P4HA1: variants seen among roughly 807,000 people sequenced by gnomAD.
P4HA1 encodes prolyl 4-hydroxylase subunit alpha 1, also known as prolyl 4-hydroxylase subunit alpha-1.
In P4HA1, 24 loss-of-function variants were observed where a neutral mutation model predicts 72.8. The observed-to-expected ratio is 0.33, with a 90% CI of 0.24 to 0.46. The LOEUF (loss-of-function observed/expected upper bound fraction) is 0.46, where lower values mean the gene tolerates loss of function less well. P4HA1 is among the 20% of genes least tolerant of loss of function. P4HA1 has a pLI of 1.00. For synonymous variants in P4HA1, 201 were observed against 218.8 expected (o/e 0.92, Z 0.72); for missense variants, 446 against 640.6 (o/e 0.70, Z 3.28).
At chr10:73,073,031 A>C (rs1181447951) in intron 3 of P4HA1, among the ~76,000 whole-genome samples, 1 of 151,262 alleles carries the variant, frequency 6.6e-6, no homozygotes, top group Non-Finnish European at 1.5e-5. Context: ...TTACCCGGGC[A>C]TGGTGGCGCA....
chr10:73,062,575 T>C (rs1022513804), intron 5 of P4HA1, among the ~76,000 whole-genome samples: 4 of 152,206 alleles, frequency 2.6e-5, no homozygotes. Flanking sequence ...AAACTGTATA[T>C]ATTTATTAAG....
At position 73,073,844 on chromosome 10, in the gene P4HA1, G is replaced by GTTATCAAATACTCATA. The variant is rs771697069; in HGVS notation, c.77-33_77-18dup. 2 of 1,174,754 alleles carry GTTATCAAATACTCATA rather than the reference G, an allele frequency of 1.7e-6. No homozygotes were observed. Among genetic ancestry groups the GTTATCAAATACTCATA allele is most frequent in the East Asian group, 4.7e-5 (2 of 42,800 alleles). The allele number at this position is 1,174,754 out of a possible 1,614,324, so 72.8% of individuals were successfully genotyped here. A position where few individuals can be genotyped will look rare whatever the true frequency, so the allele number is the denominator to read the frequency against. ...TCATCTGACCTAGAAGGGGAAGAAG[G>GTTATCAAATACTCATA]TTATCAAATACTCATATCCTTCAAC... is the stretch of plus-strand genomic sequence containing the variant. On this transcript the variant is annotated splice_polypyrimidine_tract_variant and intron_variant, in intron 2 of 14. Transcript: ENST00000394890.
intron 1 of P4HA1, among the ~76,000 whole-genome samples, chr10:73,087,779 A>G (rs928360720): frequency 1.2e-4 from 18 of 152,250 alleles, no homozygotes; most frequent in Admixed American, 5.9e-4. Flanking sequence ...GACGTGAGCC[A>G]CCATGCCCAG....
chr10:73,079,571 G>A (rs903304633), intron 1 of P4HA1, among the ~76,000 whole-genome samples: 12 of 152,146 alleles, frequency 7.9e-5, no homozygotes, highest in African/African-American at 2.2e-4. Flanking sequence ...GTGAAACCCC[G>A]TCTCTACCAA....
intron 4 of P4HA1, 65 bp from the exon 5 acceptor site, chr10:73,069,048 T>TAA: frequency 8.4e-7 from 1 of 1,191,272 alleles, no homozygotes; most frequent in Non-Finnish European, 1.2e-6. Flanking sequence ...TAAAGAGACT[T>TAA]AATAAGGATT....
intron 5 of P4HA1, among the ~76,000 whole-genome samples, chr10:73,056,374 G>A (rs1589607715): frequency 6.6e-6 from 1 of 152,152 alleles, no homozygotes; most frequent in Non-Finnish European, 1.5e-5. Flanking sequence ...GCTCACGCCT[G>A]CAATCCCAGC....
chr10:73,071,733 T>C (rs561565706), intron 4 of P4HA1, among the ~76,000 whole-genome samples: 1 of 152,224 alleles, frequency 6.6e-6, no homozygotes, highest in East Asian at 1.9e-4. Flanking sequence ...TTTTTAAAGT[T>C]TGAAGGTAAT....
chr10:73,084,201 A>G (rs1370557007), intron 1 of P4HA1, among the ~76,000 whole-genome samples: 1 of 152,252 alleles, frequency 6.6e-6, no homozygotes, highest in East Asian at 1.9e-4. Context: ...AGTTTTGTAC[A>G]ATATGCACTT....
At chr10:73,053,264 C>T in intron 6 of P4HA1, 87 bp downstream of exon 6, 1 of 1,270,082 alleles carries the variant, frequency 7.9e-7, no homozygotes, top group Non-Finnish European at 1.1e-6. Context: ...AAGAAAATAC[C>T]ATATATAAAT....
chr10:73,024,159 C>A (rs1372940350), intron 10 of P4HA1, among the ~76,000 whole-genome samples: 2 of 152,192 alleles, frequency 1.3e-5, no homozygotes, highest in Non-Finnish European at 2.9e-5. Context: ...ATCTACAGAA[C>A]TCTGTCCACC....
intron 5 of P4HA1, among the ~76,000 whole-genome samples, chr10:73,056,987 G>A (rs1043701553): frequency 1.3e-5 from 2 of 150,392 alleles, no homozygotes; most frequent in Non-Finnish European, 3.0e-5. Context: ...GTGAACCCAG[G>A]AGACAGAGCT....
chr10:73,087,842 T>C (rs1841954985), intron 1 of P4HA1, among the ~76,000 whole-genome samples: 1 of 152,108 alleles, frequency 6.6e-6, no homozygotes. Context: ...TGGGGAATAT[T>C]TTCTCCCAGT....
At chr10:73,010,374 G>GT (rs1234116351) in intron 13 of P4HA1, among the ~76,000 whole-genome samples, 2 of 152,032 alleles carry the variant, frequency 1.3e-5, no homozygotes, top group African/African-American at 4.8e-5. Context: ...TTTAAGAACC[G>GT]TTTTTGATCA....
intron 5 of P4HA1, among the ~76,000 whole-genome samples, chr10:73,056,353 C>G (rs969516314): frequency 7.2e-5 from 11 of 152,086 alleles, no homozygotes; most frequent in African/African-American, 2.2e-4. Flanking sequence ...TATCCTAGGC[C>G]AGGCGTGGTG....
At chr10:73,043,872 C>T in intron 9 of P4HA1, 2 of 1,577,782 alleles carry the variant, frequency 1.3e-6, no homozygotes, top group Non-Finnish European at 1.7e-6. Context: ...AAAGTTCTCT[C>T]CATTACTCCC....
At chr10:73,060,735 T>C (rs1841293623) in intron 5 of P4HA1, among the ~76,000 whole-genome samples, 1 of 152,132 alleles carries the variant, frequency 6.6e-6, no homozygotes, top group South Asian at 2.1e-4. Context: ...AAAACAAGCC[T>C]ATCTAAAGAT....
intron 1 of P4HA1, among the ~76,000 whole-genome samples, chr10:73,090,562 T>C (rs913070677): frequency 5.3e-5 from 8 of 152,222 alleles, no homozygotes; most frequent in African/African-American, 1.9e-4. Context: ...CCTGTCAATT[T>C]TGCTCAATAA....
intron 5 of P4HA1, among the ~76,000 whole-genome samples, chr10:73,057,730 T>C (rs1237893165): frequency 1.3e-5 from 2 of 151,644 alleles, no homozygotes. Flanking sequence ...GGAGGAAAAT[T>C]CCAAAAGGAA....
intron 7 of P4HA1, among the ~76,000 whole-genome samples, chr10:73,050,165 CAA>C (rs549704773): frequency 0.088 from 7,303 of 82,904 alleles, 542 homozygotes; most frequent in African/African-American, 0.25. Flanking sequence ...GTTTCTGTCT[CAA>C]AAAAAAAAAA....
Sources: allele counts gnomAD v4.1 joint callset (sites outside exome capture counted in the v4.1 genomes callset), GRCh38; gene constraint gnomAD v4.1.1; transcripts MANE v1.5; gene names NCBI Gene and HGNC (gene_info 2026-07-23, HGNC 2026-07-21).